Variants in MTUS2 observed in about 807,000 individuals in gnomAD.
The protein encoded by MTUS2 is microtubule-associated tumor suppressor candidate 2.
Under a neutral mutation model 114.1 loss-of-function variants are expected in MTUS2, and 40 were observed. That is an observed-to-expected ratio of 0.35 (90% CI 0.27 to 0.46). The LOEUF is 0.46. MTUS2 is among the 20% of genes least tolerant of loss of function. The probability of loss-of-function intolerance (pLI) is 1.00; values close to 1 mark genes in which losing one functional copy is unlikely to be tolerated. For missense variants in MTUS2, 1,679 were observed against 1,705.4 expected, an observed-to-expected ratio of 0.98 and a Z score of 0.27; for synonymous variants, 688 against 672.0, an observed-to-expected ratio of 1.02 and a Z score of -0.37.
At chr13:29,415,836 T>C (rs1432038812) in intron 8 of MTUS2, among the ~76,000 whole-genome samples, 1 of 152,282 alleles carries the variant, frequency 6.6e-6, no homozygotes, top group East Asian at 1.9e-4. Context: ...GTTGTTGTTG[T>C]TCTAGTGGTT....
intron 6 of MTUS2, among the ~76,000 whole-genome samples, chr13:29,286,461 T>G (rs1032288601): frequency 3.7e-4 from 57 of 152,324 alleles, no homozygotes; most frequent in Middle Eastern, 3.4e-3. Flanking sequence ...AGTGTCTGTT[T>G]AAAGAGTTAT....
At chr13:29,074,618 A>G (rs1300477646) in intron 4 of MTUS2, among the ~76,000 whole-genome samples, 2 of 151,980 alleles carry the variant, frequency 1.3e-5, no homozygotes, top group African/African-American at 4.8e-5. Context: ...GGTAATTTTC[A>G]TTTTCTAAGC....
At chr13:29,087,848 G>C (rs1381958142) in intron 4 of MTUS2, among the ~76,000 whole-genome samples, 1 of 152,124 alleles carries the variant, frequency 6.6e-6, no homozygotes, top group African/African-American at 2.4e-5. Flanking sequence ...CACAAGGTCA[G>C]GAGATTGAGA....
intron 5 of MTUS2, among the ~76,000 whole-genome samples, chr13:29,158,799 T>C (rs2139069237): frequency 6.6e-6 from 1 of 152,246 alleles, no homozygotes; most frequent in South Asian, 2.1e-4. Context: ...TATTTTAAGA[T>C]GCTCAGGGAA....
chr13:29,023,835 G>A (rs550583154), intron 2 of MTUS2, among the ~76,000 whole-genome samples: 1 of 152,312 alleles, frequency 6.6e-6, no homozygotes, highest in East Asian at 1.9e-4. Flanking sequence ...CATAGGTGAT[G>A]TGTGGCCCTG....
intron 4 of MTUS2, among the ~76,000 whole-genome samples, chr13:29,050,228 T>C (rs1311936002): frequency 3.9e-5 from 6 of 152,158 alleles, no homozygotes; most frequent in Non-Finnish European, 5.9e-5. Context: ...TTTATTACCA[T>C]AAAATGTTAG....
At chr13:29,355,791 A>G (rs1334459677) in intron 7 of MTUS2, among the ~76,000 whole-genome samples, 1 of 152,214 alleles carries the variant, frequency 6.6e-6, no homozygotes, top group Non-Finnish European at 1.5e-5. Flanking sequence ...CAGAAAAGGA[A>G]GTACATTGGA....
At position 29,495,355 on chromosome 13, in the gene MTUS2, CAAAAAAAA is replaced by C. The variant is rs561721512; in HGVS notation, c.3580-1865_3580-1858del. Among the ~76,000 whole-genome samples the C allele has an allele frequency of 4.4e-4, 13 of 29,808 alleles. No individual in the cohort carries two copies. The South Asian group carries it at 7.6e-3, about 17-fold the overall frequency. 19.6% of individuals were successfully genotyped at this position (29,808 alleles called of 152,430 possible). A position where few individuals can be genotyped will look rare whatever the true frequency, so the allele number is the denominator to read the frequency against. ...CCTGGGTGACAGAGTGAGTCTTTGT[CAAAAAAAA>C]AAAAAAAAAAAAAAAAAGGAAGTAA... On this transcript the variant is annotated intron_variant, in intron 12 of 15. Coordinates refer to ENST00000612955, the MANE Select transcript of MTUS2 (RefSeq NM_001033602.4).
chr13:29,150,111 T>A (rs913886352), intron 5 of MTUS2, among the ~76,000 whole-genome samples: 2 of 152,208 alleles, frequency 1.3e-5, no homozygotes, highest in African/African-American at 4.8e-5. Flanking sequence ...TTGGACAGTG[T>A]GGCCATTTTC....
chr13:29,257,183 C>T (rs1446610211), intron 5 of MTUS2, among the ~76,000 whole-genome samples: 1 of 152,198 alleles, frequency 6.6e-6, no homozygotes, highest in East Asian at 1.9e-4. Context: ...TCCCACTCTA[C>T]AGCCCTAGTC....
At chr13:29,064,797 G>A (rs966044428) in intron 4 of MTUS2, among the ~76,000 whole-genome samples, 5 of 152,126 alleles carry the variant, frequency 3.3e-5, no homozygotes, top group Admixed American at 1.3e-4. Flanking sequence ...TCACCCTCAG[G>A]CAGGCTCCAG....
At chr13:29,372,757 A>G (rs1871297491) in intron 8 of MTUS2, among the ~76,000 whole-genome samples, 1 of 152,178 alleles carries the variant, frequency 6.6e-6, no homozygotes, top group African/African-American at 2.4e-5. Context: ...TATCATCAAT[A>G]GAAGCTCCTC....
At position 28,954,109 on chromosome 13, in the gene MTUS2, C is replaced by A. The variant is rs573298608; in HGVS notation, c.-242-70348C>A. Among the ~76,000 whole-genome samples the A allele has an allele frequency of 1.1e-4, 16 of 152,238 alleles. No individual in the cohort carries two copies. The East Asian group carries it at 1.2e-3, about 11-fold the overall frequency. On this transcript the variant is annotated intron_variant, in intron 2 of 15. Coordinates refer to ENST00000612955, the MANE Select transcript of MTUS2 (RefSeq NM_001033602.4). ...AAAGAGTAGTATATTTAAAATATAT[C>A]TACTTTTTAAAAATTTCAGGGGAAA... is the stretch of plus-strand genomic sequence containing the variant.
chr13:29,092,320 C>G (rs1889991965), intron 4 of MTUS2, among the ~76,000 whole-genome samples: 1 of 152,128 alleles, frequency 6.6e-6, no homozygotes, highest in Non-Finnish European at 1.5e-5. Context: ...TACATGGTGC[C>G]TTTGTTTTAG....
chr13:29,091,421 A>T (rs1376176703), intron 4 of MTUS2, among the ~76,000 whole-genome samples: 7 of 152,010 alleles, frequency 4.6e-5, no homozygotes, highest in Non-Finnish European at 5.9e-5. Flanking sequence ...AGCAACTAAG[A>T]TATTTAAGGT....
At position 29,496,688 on chromosome 13, in the gene MTUS2, G is replaced by A. The variant is rs936870676; in HGVS notation, c.3580-550G>A. 2.0e-5 allele frequency among the ~76,000 whole-genome samples: 3 copies of A among 152,136 alleles called. No individual in the cohort carries two copies. Among genetic ancestry groups the A allele is most frequent in the Admixed American group, 2.0e-4 (3 of 15,282 alleles). On this transcript the variant is annotated intron_variant, in intron 12 of 15. Coordinates refer to ENST00000612955, the MANE Select transcript of MTUS2 (RefSeq NM_001033602.4). The surrounding 1 kb of genome is among the most constrained non-coding windows in gnomAD (Gnocchi z 4.3). ...GGAAGGAGCCGGCAGAGTGGCCTGA[G>A]CTCAGGGGACTCTGTGGGTTCTAGG...
rs112361597 is a variant in MTUS2 at position 29,460,002 on chromosome 13, G to C, written c.3184+19953G>C. Among the ~76,000 whole-genome samples, 540 of 152,276 alleles carry C rather than the reference G, an allele frequency of 3.5e-3. 4 individuals are homozygous for C. The highest frequency in any genetic ancestry group is 0.012 in the African/African-American group (515 of 41,552). ...CACACCCTCCCTGGGCCATTCCGCA[G>C]ATGCTTGCAGACCACAGGTATATCA... On this transcript the variant is annotated intron_variant, in intron 9 of 15. Transcript: ENST00000612955.
chr13:29,341,758 G>T (rs1206690057), intron 7 of MTUS2, among the ~76,000 whole-genome samples: 1 of 152,066 alleles, frequency 6.6e-6, no homozygotes, highest in African/African-American at 2.4e-5. Flanking sequence ...TTATCTTCTA[G>T]AATTTTTATG....
chr13:29,033,263 C>T (rs144334650), intron 3 of MTUS2, among the ~76,000 whole-genome samples: 253 of 152,296 alleles, frequency 1.7e-3, no homozygotes, highest in Middle Eastern at 0.01. Context: ...TCGCCTCACT[C>T]GAGCAGACGA....
Sources: gnomAD v4.1 joint callset for allele counts (sites outside exome capture counted in the v4.1 genomes callset) on GRCh38, gnomAD v4.1.1 for gene constraint, Gnocchi (gnomAD v3.1) non-coding constraint, MANE v1.5 for transcripts, NCBI Gene and HGNC (gene_info 2026-07-23, HGNC 2026-07-21) for gene names.